AGO2: variants seen among roughly 807,000 people sequenced by gnomAD.
AGO2 encodes protein argonaute-2.
Under a neutral mutation model 102.3 loss-of-function variants are expected in AGO2, and 5 were observed. The observed-to-expected ratio is 0.05, with a 90% CI of 0.03 to 0.10. The LOEUF (loss-of-function observed/expected upper bound fraction) is 0.10. Ranked by LOEUF, AGO2 falls within the 10% of genes least tolerant of loss-of-function variation. The pLI is 1.00. For missense variants in AGO2, 541 were observed against 1,183.7 expected (o/e 0.46, Z 7.97); for synonymous variants, 449 against 473.1 (o/e 0.95, Z 0.66).
In AGO2 at chr8:140,528,400, C is replaced by T. The variant is rs2072538092; in HGVS notation, c.*3644G>A. ...AACAATAAAACCCCCCACCTACTAA[C>T]CCCACTACAGGAACTGAACTGACAT... On this transcript the variant is annotated 3_prime_UTR_variant, in exon 19 of 19. Transcript: ENST00000220592. This position sits in a 1 kb window ranked among gnomAD's most constrained non-coding sequence, Gnocchi z 4.5. 1 of 152,210 alleles carries T rather than the reference C, an allele frequency of 6.6e-6. No homozygotes were observed. Among genetic ancestry groups the T allele is most frequent in the Non-Finnish European group, 1.5e-5 (1 of 68,070 alleles). The allele number at this position is 152,210 out of a possible 1,614,324, so 9.4% of individuals were successfully genotyped here.
Position 140,567,427 on chromosome 8 carries a change from C to G in AGO2, c.337-4793G>C, listed in dbSNP as rs759066763. ...CCGCCTCTCAACAGCCCAAAGCGCTCGGTCCCAATGACATGACATCTGAAG... is the reference window on the plus strand; with the variant it reads ...CCGCCTCTCAACAGCCCAAAGCGCTGGGTCCCAATGACATGACATCTGAAG... On this transcript the variant is annotated intron_variant, in intron 3 of 18. Transcript: ENST00000220592. This position sits in a 1 kb window ranked among gnomAD's most constrained non-coding sequence, Gnocchi z 5.0. 6.6e-6 allele frequency among the ~76,000 whole-genome samples: 1 copy of G among 152,240 alleles called. No homozygotes were observed. The highest frequency in any genetic ancestry group is 1.5e-5 in the Non-Finnish European group (1 of 68,050).
chr8:140,615,300 G>A (rs2074127178), intron 1 of AGO2, among the ~76,000 whole-genome samples: 1 of 152,232 alleles, frequency 6.6e-6, no homozygotes, highest in Non-Finnish European at 1.5e-5. Flanking sequence ...AAACAAAAAT[G>A]GAGTGAAATA....
At position 140,520,623 on chromosome 8, in the gene AGO2, G is replaced by A. The variant is rs976991678; in HGVS notation, c.*11421C>T. ...GGCTCTCTGGAGAGACCAGAGGCTC[G>A]GGCTGCCTGATTTCAGCAACACATT... is the stretch of plus-strand genomic sequence containing the variant. On this transcript the variant is annotated 3_prime_UTR_variant, in exon 19 of 19. Coordinates refer to ENST00000220592, the MANE Select transcript of AGO2 (RefSeq NM_012154.5). The A allele has an allele frequency of 9.2e-5, 14 of 152,114 alleles. No homozygotes were observed. The East Asian group carries it at 1.9e-3, about 21-fold the overall frequency. The allele number at this position is 152,114 out of a possible 1,614,324, so 9.4% of individuals were successfully genotyped here. A position where few individuals can be genotyped will look rare whatever the true frequency, so the allele number is the denominator to read the frequency against.
At chr8:140,619,663 A>G (rs1372263516) in intron 1 of AGO2, among the ~76,000 whole-genome samples, 1 of 152,126 alleles carries the variant, frequency 6.6e-6, no homozygotes, top group Non-Finnish European at 1.5e-5. Flanking sequence ...AGCCACACAC[A>G]TGAGGGCTGC....
intron 1 of AGO2, among the ~76,000 whole-genome samples, chr8:140,595,947 T>TATATA (rs2073833778): frequency 3.1e-5 from 1 of 32,282 alleles, no homozygotes; most frequent in Admixed American, 5.2e-4. Context: ...TAATATATAT[T>TATATA]TTATATATAA....
chr8:140,622,034 G>A (rs531995282), intron 1 of AGO2, among the ~76,000 whole-genome samples: 1 of 152,282 alleles, frequency 6.6e-6, no homozygotes, highest in Non-Finnish European at 1.5e-5. Context: ...GATGAACTGG[G>A]ACATATCCAT....
intron 4 of AGO2, among the ~76,000 whole-genome samples, chr8:140,561,273 G>A (rs957874072): frequency 3.3e-5 from 5 of 152,224 alleles, no homozygotes; most frequent in East Asian, 1.9e-4. Context: ...TGTGAGCCTC[G>A]ATGCTCCCTA....
At chr8:140,552,736 G>GCA (rs2073021540) in intron 10 of AGO2, among the ~76,000 whole-genome samples, 1 of 132,998 alleles carries the variant, frequency 7.5e-6, no homozygotes, top group East Asian at 2.1e-4. Context: ...GCACGCGCGC[G>GCA]CGCGCACACA....
intron 8 of AGO2, 136 bp from the exon 9 acceptor site, chr8:140,556,422 GC>G (rs2073095223): frequency 8.9e-7 from 1 of 1,129,800 alleles, no homozygotes; most frequent in South Asian, 1.5e-5. Context: ...GAAGTGCTGT[GC>G]AGGTGTCTGC....
rs539572354 is a variant in AGO2 at position 140,569,209 on chromosome 8, C to T, written c.336+3603G>A. Among the ~76,000 whole-genome samples, 239 of 152,370 alleles carry T rather than the reference C, an allele frequency of 1.6e-3. 2 individuals are homozygous for T. Among genetic ancestry groups the T allele is most frequent in the African/African-American group, 5.2e-3 (216 of 41,582 alleles). The stretch of plus-strand genomic sequence containing the variant: ...GGCAGGAGTGCCGAACTACCATGTC[C>T]TTCAACAGTGAACTCTGTGCGTGGC... On this transcript the variant is annotated intron_variant, in intron 3 of 18. Transcript: ENST00000220592.
rs2072760369 is a variant in AGO2 at position 140,539,671 on chromosome 8, G to A, written c.2035-217C>T. Among the ~76,000 whole-genome samples the A allele has an allele frequency of 6.6e-6, 1 of 152,232 alleles. No homozygotes were observed. The highest frequency in any genetic ancestry group is 2.1e-4 in the South Asian group (1 of 4,832). ...GGGGCTTGGCACTCAGGAATGGGAAGAACACTTCCCCTGGAGGGCCCAGGA... is the reference window on the plus strand; with the variant it reads ...GGGGCTTGGCACTCAGGAATGGGAAAAACACTTCCCCTGGAGGGCCCAGGA... On this transcript the variant is annotated intron_variant, in intron 15 of 18. Coordinates refer to ENST00000220592, the MANE Select transcript of AGO2 (RefSeq NM_012154.5). The surrounding 1 kb of genome is among the most constrained non-coding windows in gnomAD (Gnocchi z 4.7).
chr8:140,608,519 C>T (rs553336923), intron 1 of AGO2, among the ~76,000 whole-genome samples: 59 of 152,356 alleles, frequency 3.9e-4, no homozygotes, highest in South Asian at 2.7e-3. Context: ...TGCCCGCAGC[C>T]GGCAGGCAGG....
At chr8:140,603,660 T>C (rs2073959387) in intron 1 of AGO2, among the ~76,000 whole-genome samples, 3 of 152,238 alleles carry the variant, frequency 2.0e-5, no homozygotes, top group Admixed American at 1.3e-4. Flanking sequence ...TCATGTGGCA[T>C]GCTGTCCTTG....
chr8:140,568,735 C>G (rs528598582), intron 3 of AGO2, among the ~76,000 whole-genome samples: 7 of 152,352 alleles, frequency 4.6e-5, no homozygotes, highest in African/African-American at 1.7e-4. Context: ...GCACCAAAAC[C>G]AGTCCCACCC....
intron 2 of AGO2, among the ~76,000 whole-genome samples, 185 bp downstream of exon 2, chr8:140,584,932 TTA>T (rs1034396973): frequency 4.6e-5 from 7 of 152,084 alleles, no homozygotes. Flanking sequence ...TGGTATATAT[TTA>T]TATATATATT....
intron 3 of AGO2, among the ~76,000 whole-genome samples, chr8:140,568,859 G>C (rs770501740): frequency 6.6e-6 from 1 of 152,188 alleles, no homozygotes; most frequent in Non-Finnish European, 1.5e-5. Flanking sequence ...AGCTTGTATT[G>C]GGGTGGGCTT....
intron 1 of AGO2, among the ~76,000 whole-genome samples, chr8:140,611,076 CGGG>C (rs948126412): frequency 6.6e-6 from 1 of 152,108 alleles, no homozygotes; most frequent in African/African-American, 2.4e-5. Flanking sequence ...AAGTGTGGTC[CGGG>C]GAGCTTCAGG....
chr8:140,568,541 G>A (rs35716270), intron 3 of AGO2, among the ~76,000 whole-genome samples: 4,021 of 152,222 alleles, frequency 0.026, 73 homozygotes, highest in South Asian at 0.038. Context: ...GACCACACCC[G>A]CTATGCCTGC....
At chr8:140,611,590 A>G (rs533070249) in intron 1 of AGO2, among the ~76,000 whole-genome samples, 247 of 152,154 alleles carry the variant, frequency 1.6e-3, no homozygotes, top group African/African-American at 5.7e-3. Context: ...GGCCTCCCAA[A>G]GTGCTGGGAT....
Sources: gnomAD v4.1 joint callset for allele counts (sites outside exome capture counted in the v4.1 genomes callset) on GRCh38, gnomAD v4.1.1 for gene constraint, Gnocchi (gnomAD v3.1) non-coding constraint, MANE v1.5 for transcripts, NCBI Gene and HGNC (gene_info 2026-07-23, HGNC 2026-07-21) for gene names.